CLPS: variants seen among roughly 807,000 people sequenced by gnomAD.
CLPS encodes the protein colipase.
Under a neutral mutation model 9.3 loss-of-function variants are expected in CLPS, and 8 were observed. That is an observed-to-expected ratio of 0.86 (90% CI 0.51 to 1.56). The LOEUF is 1.56. Ranked by LOEUF, CLPS falls within the 40% of genes most tolerant of loss-of-function variation. CLPS has a pLI of 0.00. For synonymous variants in CLPS, 61 were observed against 56.2 expected, an observed-to-expected ratio of 1.09 and a Z score of -0.39; for missense variants, 144 against 145.7, an observed-to-expected ratio of 0.99 and a Z score of 0.06.
In CLPS at chr6:35,795,139, G is replaced by A. The variant is rs1317046913; in HGVS notation, c.*7C>T. On this transcript the variant is annotated 3_prime_UTR_variant, in exon 3 of 3. Transcript: ENST00000259938. ...TCTGGGCTAGGTGTGGGAGTGGGTG[G>A]GCAGTCTCACTGCTTGGAGCGTCCA... The A allele has an allele frequency of 3.1e-6, 5 of 1,612,900 alleles. No homozygotes were observed. Among genetic ancestry groups the A allele is most frequent in the Non-Finnish European group, 2.5e-6 (3 of 1,179,510 alleles).
At position 35,797,289 on chromosome 6, in the gene CLPS, G is replaced by T; in HGVS notation, c.-1C>A. ...GCAGGAGGATCAGGATCTTCTCCAT[G>T]GTGAGTGGGACAGCTGGTGTGGGTG... On this transcript the variant is annotated 5_prime_UTR_variant, in exon 1 of 3. Transcript: ENST00000259938. 1 of 1,613,784 alleles carries T rather than the reference G, an allele frequency of 6.2e-7. No individual in the cohort carries two copies. Among genetic ancestry groups the T allele is most frequent in the South Asian group, 1.1e-5 (1 of 91,074 alleles).
intron 1 of CLPS, chr6:35,796,995 C>T (rs1268277884): frequency 1.7e-6 from 1 of 595,614 alleles, no homozygotes; most frequent in Non-Finnish European, 3.0e-6. Context: ...TCTGAGCATG[C>T]TCCAGTTGGA....
In CLPS at chr6:35,795,182, A is replaced by G. The variant is rs1425584596; in HGVS notation, c.303T>C (p.Phe101=). ...TIVGSITNTN[F]GICHDAGRSK... ...AGCGTCCAGCGTCATGGCAGATGCC[A>G]AAGTTGGTGTTGGTGATGGAGCCCA... The change falls in exon 3 of 3, where the codon TTT becomes TTC. Residue 101 remains phenylalanine, a synonymous_variant. Transcript: ENST00000259938. 5.0e-6 allele frequency: 8 copies of G among 1,614,222 alleles called. No individual in the cohort carries two copies. The South Asian group carries it at 8.8e-5, about 18-fold the overall frequency.
chr6:35,795,247 A>G lies in CLPS; in HGVS notation c.238T>C (p.Cys80Arg). 6.2e-7 allele frequency: 1 copy of G among 1,614,198 alleles called. No homozygotes were observed. Among genetic ancestry groups the G allele is most frequent in the Non-Finnish European group, 8.5e-7 (1 of 1,180,000 alleles). The change falls in exon 3 of 3, where the codon TGT (cysteine) becomes CGT (arginine). Residue 80 changes from cysteine to arginine, a missense_variant. By Grantham distance (180) the Cys-to-Arg change is radical (BLOSUM62 -3). Transcript: ENST00000259938. ...TLYGIYYKCP[C>R]ERGLTCEGDK... is the part of the protein sequence containing the mutation. ...CCCTCACAGGTCAGGCCACGCTCAC[A>G]GGGACACTTGTAGTAAATCCCATAG...
intron 1 of CLPS, 75 bp from the exon 2 acceptor site, chr6:35,795,928 C>G: frequency 6.3e-7 from 1 of 1,586,594 alleles, no homozygotes; most frequent in Non-Finnish European, 8.6e-7. Flanking sequence ...ACCCACCACA[C>G]ACTACCACTA....
Position 35,794,986 on chromosome 6 carries a change from G to T in CLPS, c.*160C>A. The T allele has an allele frequency of 2.9e-6, 3 of 1,038,194 alleles. No individual in the cohort carries two copies. The highest frequency in any genetic ancestry group is 1.8e-5 in the South Asian group (1 of 56,362). The allele number at this position is 1,038,194 out of a possible 1,614,324, so 64.3% of individuals were successfully genotyped here. A position where few individuals can be genotyped will look rare whatever the true frequency, so the allele number is the denominator to read the frequency against. On this transcript the variant is annotated 3_prime_UTR_variant, in exon 3 of 3. Coordinates refer to ENST00000259938, the MANE Select transcript of CLPS (RefSeq NM_001832.4). ...AAGAATATGCAGGAGACTGGGAAAG[G>T]TTTGCAGGAGGCCTTTAATTGTGAA...
In CLPS at chr6:35,795,132, G is replaced by T. The variant is rs780044735; in HGVS notation, c.*14C>A. Reference sequence around the variant, plus strand: ...ACAGCATTCTGGGCTAGGTGTGGGAGTGGGTGGGCAGTCTCACTGCTTGGA... The same window carrying T: ...ACAGCATTCTGGGCTAGGTGTGGGATTGGGTGGGCAGTCTCACTGCTTGGA... On this transcript the variant is annotated 3_prime_UTR_variant, in exon 3 of 3. Transcript: ENST00000259938. The T allele has an allele frequency of 6.2e-7, 1 of 1,612,350 alleles. No individual in the cohort carries two copies. Among genetic ancestry groups the T allele is most frequent in the South Asian group, 1.1e-5 (1 of 90,686 alleles).
At position 35,795,108 on chromosome 6, in the gene CLPS, C is replaced by CA; in HGVS notation, c.*37dup. On this transcript the variant is annotated 3_prime_UTR_variant, in exon 3 of 3. Coordinates refer to ENST00000259938, the MANE Select transcript of CLPS (RefSeq NM_001832.4). ...AGATGCCCCTGCGCCTAGTGGCCTACAGCATTCTGGGCTAGGTGTGGGAGT... is the reference window on the plus strand; with the variant it reads ...AGATGCCCCTGCGCCTAGTGGCCTACAAGCATTCTGGGCTAGGTGTGGGAGT... 6.2e-7 allele frequency: 1 copy of CA among 1,607,146 alleles called. No individual in the cohort carries two copies. The highest frequency in any genetic ancestry group is 8.5e-7 in the Non-Finnish European group (1 of 1,176,858).
intron 1 of CLPS, 73 bp from the exon 2 acceptor site, chr6:35,795,926 C>G: frequency 1.3e-6 from 2 of 1,587,906 alleles, no homozygotes; most frequent in Admixed American, 3.4e-5. Context: ...GTACCCACCA[C>G]ACACTACCAC....
chr6:35,795,292 C>A lies in CLPS; in HGVS notation c.208-15G>T, dbSNP rs186818539. 3.9e-5 allele frequency: 63 copies of A among 1,612,742 alleles called. No individual in the cohort carries two copies. In the East Asian group the frequency reaches 1.4e-3, roughly 36 times the overall value. On this transcript the variant is annotated splice_polypyrimidine_tract_variant and intron_variant, in intron 2 of 2. Coordinates refer to ENST00000259938, the MANE Select transcript of CLPS (RefSeq NM_001832.4). ...CCATAGAGCGTCTGCAGAGACACAG[C>A]CAATGGAGTCAAGGCTATGGGGAGA...
chr6:35,795,429 G>T (rs1285232355), intron 2 of CLPS, 152 bp from the exon 3 acceptor site: 2 of 1,239,552 alleles, frequency 1.6e-6, no homozygotes, highest in Non-Finnish European at 2.2e-6. Context: ...GGGCCCTGGA[G>T]ACCCCAGCTC....
chr6:35,797,235 A>G lies in CLPS; in HGVS notation c.54T>C (p.Ala18=), dbSNP rs112222376. Residue 18 remains alanine (A), a synonymous_variant, in exon 1 of 3, where the codon GCT becomes GCC. Coordinates refer to ENST00000259938, the MANE Select transcript of CLPS (RefSeq NM_001832.4). The stretch of plus-strand genomic sequence containing the variant: ...TGATAATGATCCCCCGGGGGCCAGG[A>G]GCTGCATAGGCCACAGAGAGGGCGA... ...LLVALSVAYA[A]PGPRGIIINL... 2.3e-4 allele frequency: 379 copies of G among 1,613,666 alleles called. No individual in the cohort carries two copies. The African/African-American group carries it at 4.5e-3, about 19-fold the overall frequency.
In CLPS at chr6:35,797,161, T is replaced by C. The variant is rs1313377624; in HGVS notation, c.84+44A>G. ...GTCAAGGTCCAAGCTTAGGAAGTCT[T>C]CATCTGGGGACTCAGGAGGCGCCTC... On this transcript the variant is annotated intron_variant, in intron 1 of 2. Coordinates refer to ENST00000259938, the MANE Select transcript of CLPS (RefSeq NM_001832.4). 1.9e-6 allele frequency: 3 copies of C among 1,555,864 alleles called. No individual in the cohort carries two copies. The East Asian group carries it at 6.8e-5, about 35-fold the overall frequency.
chr6:35,795,074 G>A lies in CLPS; in HGVS notation c.*72C>T. Reference sequence around the variant, plus strand: ...TGGCCAGCCCGGGAGATGCGCTGGAGCAGGGGAGAGATGCCCCTGCGCCTA... The same window carrying A: ...TGGCCAGCCCGGGAGATGCGCTGGAACAGGGGAGAGATGCCCCTGCGCCTA... On this transcript the variant is annotated 3_prime_UTR_variant, in exon 3 of 3. Transcript: ENST00000259938. 1 of 1,570,162 alleles carries A rather than the reference G, an allele frequency of 6.4e-7. No individual in the cohort carries two copies. The highest frequency in any genetic ancestry group is 1.8e-5 in the Admixed American group (1 of 55,414).
chr6:35,797,314 G>A lies in CLPS; in HGVS notation c.-26C>T, dbSNP rs779758516. 4 of 1,608,148 alleles carry A rather than the reference G, an allele frequency of 2.5e-6. No homozygotes were observed. Among genetic ancestry groups the A allele is most frequent in the Non-Finnish European group, 3.4e-6 (4 of 1,175,238 alleles). The stretch of plus-strand genomic sequence containing the variant: ...GGTGAGTGGGACAGCTGGTGTGGGT[G>A]GCGGGAGACAGAGCCAGCTGTGGTG... On this transcript the variant is annotated 5_prime_UTR_variant, in exon 1 of 3. Transcript: ENST00000259938.
chr6:35,795,831 T>C lies in CLPS; in HGVS notation c.107A>G (p.Asn36Ser), dbSNP rs963027635. 4.3e-6 allele frequency: 7 copies of C among 1,613,116 alleles called. No homozygotes were observed. The highest frequency in any genetic ancestry group is 5.9e-6 in the Non-Finnish European group (7 of 1,180,024). Residue 36 changes from asparagine to serine, a missense_variant, in exon 2 of 3, where the codon AAT becomes AGT. By Grantham distance (46) the Asn-to-Ser change is conservative (BLOSUM62 1). Transcript: ENST00000259938. ...INLENGELCM[N>S]SAQCKSNCCQ... The stretch of plus-strand genomic sequence containing the variant: ...GCAATTGCTCTTACACTGGGCACTA[T>C]TCATGCAGAGCTCACCGTTCTCCTG...
intron 1 of CLPS, among the ~76,000 whole-genome samples, chr6:35,796,559 G>T (rs184032733): frequency 6.6e-6 from 1 of 152,394 alleles, no homozygotes; most frequent in Non-Finnish European, 1.5e-5. Flanking sequence ...CATCTCCGAG[G>T]CATCTCCATA....
Position 35,795,292 on chromosome 6 carries a change from C to T in CLPS, c.208-15G>A, listed in dbSNP as rs186818539. The T allele has an allele frequency of 6.2e-7, 1 of 1,612,750 alleles. No homozygotes were observed. The highest frequency in any genetic ancestry group is 8.5e-7 in the Non-Finnish European group (1 of 1,179,310). On this transcript the variant is annotated splice_polypyrimidine_tract_variant and intron_variant, in intron 2 of 2. Transcript: ENST00000259938. ...CCATAGAGCGTCTGCAGAGACACAG[C>T]CAATGGAGTCAAGGCTATGGGGAGA...
rs767121014 is a variant in CLPS at position 35,797,300 on chromosome 6, C to T, written c.-12G>A. On this transcript the variant is annotated 5_prime_UTR_variant, in exon 1 of 3. Transcript: ENST00000259938. ...AGGATCTTCTCCATGGTGAGTGGGA[C>T]AGCTGGTGTGGGTGGCGGGAGACAG... The T allele has an allele frequency of 3.7e-6, 6 of 1,613,272 alleles. No homozygotes were observed. The highest frequency in any genetic ancestry group is 1.1e-5 in the South Asian group (1 of 91,050).
Sources: gnomAD v4.1 joint callset for allele counts (sites outside exome capture counted in the v4.1 genomes callset) on GRCh38, gnomAD v4.1.1 for gene constraint, MANE v1.5 for transcripts, NCBI Gene and HGNC (gene_info 2026-07-23, HGNC 2026-07-21) for gene names.